Variants in RGS6 observed in about 807,000 individuals in gnomAD.
RGS6 encodes the protein regulator of G protein signaling 6, also known as regulator of G-protein signaling 6.
Under a neutral mutation model 78.5 loss-of-function variants are expected in RGS6, and 30 were observed. The ratio of observed to expected loss-of-function variants is 0.38; its 90% CI spans 0.29 to 0.52. The LOEUF is 0.52. Ranked by LOEUF, RGS6 falls within the 20% of genes least tolerant of loss-of-function variation. The pLI is 0.85. For missense variants in RGS6, 495 were observed against 609.7 expected (o/e 0.81, Z 1.98); for synonymous variants, 206 against 206.0 (o/e 1.00, Z 0.00).
rs539666515 is a variant in RGS6 at position 72,019,443 on chromosome 14, A to G, written c.84+54568A>G. Among the ~76,000 whole-genome samples the G allele has an allele frequency of 1.5e-4, 23 of 152,322 alleles. No individual in the cohort carries two copies. In the East Asian group the frequency reaches 4.0e-3, roughly 27 times the overall value. ...GATTTAAGTTCAAGAAAAATCAGAA[A>G]TTAGCAGTTCAGGAGTTTTCAACAT... On this transcript the variant is annotated intron_variant, in intron 2 of 17. Transcript: ENST00000553525.
At chr14:71,961,019 C>T (rs1374313338) in intron 1 of RGS6, among the ~76,000 whole-genome samples, 1 of 152,174 alleles carries the variant, frequency 6.6e-6, no homozygotes, top group Non-Finnish European at 1.5e-5. Flanking sequence ...TGGAACCTTA[C>T]AAAAGTAGAT....
At chr14:72,315,306 C>T (rs2069822039) in intron 2 of RGS6, among the ~76,000 whole-genome samples, 1 of 152,196 alleles carries the variant, frequency 6.6e-6, no homozygotes, top group Non-Finnish European at 1.5e-5. Flanking sequence ...GTTAGAGATA[C>T]TTGAAATAAC....
chr14:72,194,038 T>C (rs529892071), intron 2 of RGS6, among the ~76,000 whole-genome samples: 1 of 152,208 alleles, frequency 6.6e-6, no homozygotes, highest in African/African-American at 2.4e-5. Flanking sequence ...GAGGGGCTAG[T>C]CAGGAGTAGG....
At chr14:72,567,827 T>G (rs1485850719), downstream of RGS6, among the ~76,000 whole-genome samples, 1 of 152,138 alleles carries the variant, frequency 6.6e-6, no homozygotes, top group Non-Finnish European at 1.5e-5. Context: ...CCGCCACCCT[T>G]CCTTCACAGA....
chr14:71,971,804 C>T (rs376847858), intron 2 of RGS6, among the ~76,000 whole-genome samples: 52 of 151,736 alleles, frequency 3.4e-4, no homozygotes, highest in Non-Finnish European at 7.1e-4. Context: ...CCTTAGGGGC[C>T]GTTGGAATGG....
intron 17 of RGS6, among the ~76,000 whole-genome samples, chr14:72,548,107 G>T (rs756257321): frequency 3.3e-5 from 5 of 152,000 alleles, no homozygotes; most frequent in South Asian, 2.1e-4. Flanking sequence ...GTCTATGTCC[G>T]CTGGAAAGGC....
intron 2 of RGS6, among the ~76,000 whole-genome samples, chr14:72,349,765 A>G (rs2078770032): frequency 6.6e-6 from 1 of 152,194 alleles, no homozygotes; most frequent in Non-Finnish European, 1.5e-5. Context: ...CAAAGAAGTC[A>G]CAGAACCAAT....
chr14:72,420,173 G>A (rs931732585), intron 3 of RGS6, among the ~76,000 whole-genome samples: 1 of 152,228 alleles, frequency 6.6e-6, no homozygotes, highest in Admixed American at 6.5e-5. Flanking sequence ...AATTTTCTTT[G>A]CACTGATCTC....
the RGS6 span, among the ~76,000 whole-genome samples, chr14:71,890,492 G>C: frequency 9.9e-5 from 15 of 151,964 alleles, 2 homozygotes; most frequent in Admixed American, 9.8e-4. Context: ...ACTGTCAGAT[G>C]CTTTTGATGA....
the RGS6 span, among the ~76,000 whole-genome samples, chr14:72,585,446 G>A: frequency 1.3e-5 from 2 of 152,206 alleles, no homozygotes; most frequent in African/African-American, 4.8e-5. Context: ...GAAAAAAGCA[G>A]GTTGGAAAGA....
At chr14:72,583,396 A>C in the RGS6 span, among the ~76,000 whole-genome samples, 3 of 152,374 alleles carry the variant, frequency 2.0e-5, no homozygotes, top group Admixed American at 6.5e-5. Flanking sequence ...GACGGATGAC[A>C]GATCCTATTG....
In RGS6 at chr14:72,519,217, C is replaced by A. The variant is rs117685424; in HGVS notation, c.1278+680C>A. Among the ~76,000 whole-genome samples, 1,169 of 152,294 alleles carry A rather than the reference C, an allele frequency of 7.7e-3. 9 individuals carry two copies. The highest frequency in any genetic ancestry group is 0.014 in the Middle Eastern group (4 of 292). On this transcript the variant is annotated intron_variant, in intron 15 of 17. Transcript: ENST00000553525. ...TGCTCACAGATGCTAGTGATGCTGG[C>A]TAAAGAAACAGGAACCACCCTAACC...
chr14:71,976,447 T>C lies in RGS6; in HGVS notation c.84+11572T>C, dbSNP rs527691821. Among the ~76,000 whole-genome samples the C allele has an allele frequency of 3.6e-5, 5 of 139,644 alleles. No homozygotes were observed. The South Asian group carries it at 1.1e-3, about 32-fold the overall frequency. 91.6% of individuals were successfully genotyped at this position (139,644 alleles called of 152,430 possible). A position where few individuals can be genotyped will look rare whatever the true frequency, so the allele number is the denominator to read the frequency against. ...CCACAACAGTCCCCAGAGTGTGATG[T>C]TCCCCTTCCTGTGTCCATGTGATCT... is the stretch of plus-strand genomic sequence containing the variant. On this transcript the variant is annotated intron_variant, in intron 2 of 17. Coordinates refer to ENST00000553525, the MANE Select transcript of RGS6 (RefSeq NM_001204424.2).
intron 2 of RGS6, among the ~76,000 whole-genome samples, chr14:72,234,738 G>A (rs2050560493): frequency 6.6e-6 from 1 of 152,060 alleles, no homozygotes; most frequent in Non-Finnish European, 1.5e-5. Flanking sequence ...CCATTGGGCT[G>A]ATTCATCCTT....
intron 3 of RGS6, among the ~76,000 whole-genome samples, chr14:72,356,931 C>T (rs917009916): frequency 5.9e-5 from 9 of 152,106 alleles, no homozygotes; most frequent in South Asian, 2.1e-4. Flanking sequence ...GGACTAATAC[C>T]GTAAATTGTT....
intron 2 of RGS6, among the ~76,000 whole-genome samples, chr14:72,224,656 G>T (rs895288905): frequency 6.6e-6 from 1 of 151,880 alleles, no homozygotes; most frequent in Non-Finnish European, 1.5e-5. Flanking sequence ...GTTTTTTTAG[G>T]ACACTGTACA....
chr14:72,141,155 A>C (rs1408939576), intron 2 of RGS6, among the ~76,000 whole-genome samples: 3 of 152,162 alleles, frequency 2.0e-5, no homozygotes, highest in Non-Finnish European at 4.4e-5. Context: ...TATTGATCAA[A>C]GCCCTCACCT....
intron 2 of RGS6, among the ~76,000 whole-genome samples, chr14:71,976,851 T>C (rs373675555): frequency 2.5e-3 from 368 of 147,850 alleles, no homozygotes; most frequent in African/African-American, 8.5e-3. Context: ...ACTTCCACAA[T>C]GGTTGAACTA....
In RGS6 at chr14:72,266,993, A is replaced by G. The variant is rs567712500; in HGVS notation, c.85-85102A>G. Among the ~76,000 whole-genome samples the G allele has an allele frequency of 3.3e-3, 351 of 107,854 alleles. 2 individuals carry two copies. The highest frequency in any genetic ancestry group is 0.013 in the African/African-American group (322 of 24,638). The allele number at this position is 107,854 out of a possible 152,430, so 70.8% of individuals were successfully genotyped here. ...CCCATGAGCTAAGCACGATTGTCAT[A>G]TTTTGTTTGTTTGTTTGTTTGTTTG... is the stretch of plus-strand genomic sequence containing the variant. On this transcript the variant is annotated intron_variant, in intron 2 of 17. Coordinates refer to ENST00000553525, the MANE Select transcript of RGS6 (RefSeq NM_001204424.2).
Sources: gnomAD v4.1 joint callset for allele counts (sites outside exome capture counted in the v4.1 genomes callset) on GRCh38, gnomAD v4.1.1 for gene constraint, MANE v1.5 for transcripts, NCBI Gene and HGNC (gene_info 2026-07-23, HGNC 2026-07-21) for gene names.